MIPEP: variants seen among roughly 807,000 people sequenced by gnomAD.
The protein encoded by MIPEP is mitochondrial intermediate peptidase.
MIPEP carries 79 observed loss-of-function variants against 90.3 expected under a neutral mutation model. The ratio of observed to expected loss-of-function variants is 0.87; its 90% CI spans 0.73 to 1.05. The LOEUF (loss-of-function observed/expected upper bound fraction) is 1.05. MIPEP is among the 50% of genes least tolerant of loss of function. The pLI is 0.00. For missense variants in MIPEP, 940 were observed against 905.6 expected (o/e 1.04, Z -0.49); for synonymous variants, 334 against 315.8 (o/e 1.06, Z -0.61).
chr13:23,738,489 A>T (rs1254002570), intron 18 of MIPEP, among the ~76,000 whole-genome samples: 2 of 149,188 alleles, frequency 1.3e-5, no homozygotes, highest in African/African-American at 5.0e-5. Flanking sequence ...TCACTCTGTC[A>T]CTCAGGCTGG....
At chr13:23,813,066 G>A (rs1045860469) in intron 14 of MIPEP, among the ~76,000 whole-genome samples, 1 of 151,842 alleles carries the variant, frequency 6.6e-6, no homozygotes, top group Non-Finnish European at 1.5e-5. Context: ...TTGAAATGAA[G>A]TTATATGCTT....
intron 2 of MIPEP, among the ~76,000 whole-genome samples, chr13:23,882,067 CTTT>C (rs1871292654): frequency 6.9e-6 from 1 of 145,892 alleles, no homozygotes; most frequent in Non-Finnish European, 1.5e-5. Context: ...CAAATTCTTT[CTTT>C]CTTTTTTTTT....
chr13:23,848,562 T>C (rs1869656005), intron 10 of MIPEP, among the ~76,000 whole-genome samples: 1 of 152,072 alleles, frequency 6.6e-6, no homozygotes, highest in Admixed American at 6.5e-5. Flanking sequence ...GATGAGGCTG[T>C]GGTCAGTTAC....
chr13:23,843,693 G>A (rs1192912603), intron 10 of MIPEP, among the ~76,000 whole-genome samples: 6 of 152,186 alleles, frequency 3.9e-5, no homozygotes, highest in Non-Finnish European at 8.8e-5. Flanking sequence ...AGGGTGGAAT[G>A]CAGGAGGCAG....
At chr13:23,823,187 C>T (rs1430104693) in intron 14 of MIPEP, among the ~76,000 whole-genome samples, 1 of 152,056 alleles carries the variant, frequency 6.6e-6, no homozygotes, top group Non-Finnish European at 1.5e-5. Flanking sequence ...TAAGGAGGAG[C>T]ACTGTGTGAA....
At chr13:23,863,021 A>C (rs1870379093) in intron 8 of MIPEP, among the ~76,000 whole-genome samples, 1 of 152,246 alleles carries the variant, frequency 6.6e-6, no homozygotes, top group Non-Finnish European at 1.5e-5. Flanking sequence ...GATCATTAAA[A>C]GAAAATTTTA....
intron 15 of MIPEP, 54 bp downstream of exon 15, chr13:23,809,796 T>C: frequency 9.5e-7 from 1 of 1,053,220 alleles, no homozygotes; most frequent in Non-Finnish European, 1.4e-6. Flanking sequence ...TAAAGTTATA[T>C]ATTTATTTGG....
chr13:23,792,194 C>T (rs1403604092), intron 16 of MIPEP, among the ~76,000 whole-genome samples: 1 of 152,164 alleles, frequency 6.6e-6, no homozygotes, highest in Non-Finnish European at 1.5e-5. Flanking sequence ...TTGATCTCAC[C>T]CAGTTCCTTG....
chr13:23,789,833 C>A (rs1952882639), intron 16 of MIPEP, among the ~76,000 whole-genome samples: 1 of 152,132 alleles, frequency 6.6e-6, no homozygotes, highest in Non-Finnish European at 1.5e-5. Context: ...CCACTGCGAT[C>A]AGTCTTGAGA....
At chr13:23,787,388 G>A (rs533770789) in intron 16 of MIPEP, among the ~76,000 whole-genome samples, 1 of 136,374 alleles carries the variant, frequency 7.3e-6, no homozygotes, top group Non-Finnish European at 1.6e-5. Context: ...GAGAGCAAGA[G>A]CAAGAGACGG....
chr13:23,766,071 C>T (rs779352587), intron 16 of MIPEP: 7 of 152,128 alleles, frequency 4.6e-5, no homozygotes, highest in South Asian at 2.1e-4. Flanking sequence ...TTTTCTTCGC[C>T]GGATTCTTTT....
intron 14 of MIPEP, among the ~76,000 whole-genome samples, chr13:23,835,209 C>T (rs11617286): frequency 6.6e-6 from 1 of 151,454 alleles, no homozygotes; most frequent in African/African-American, 2.4e-5. Flanking sequence ...TTAGTAGACA[C>T]GGGGTTTCAC....
intron 14 of MIPEP, among the ~76,000 whole-genome samples, chr13:23,822,149 G>T (rs9510876): frequency 6.6e-6 from 1 of 151,968 alleles, no homozygotes; most frequent in East Asian, 1.9e-4. Flanking sequence ...TTTTAAAATA[G>T]GAAAATGGTA....
chr13:23,768,313 A>T (rs9510852), intron 16 of MIPEP, among the ~76,000 whole-genome samples: 1 of 152,102 alleles, frequency 6.6e-6, no homozygotes, highest in Admixed American at 6.5e-5. Context: ...TGTAACTTTT[A>T]ACTTTGTTTC....
At chr13:23,777,745 C>T (rs754146781) in intron 16 of MIPEP, among the ~76,000 whole-genome samples, 6 of 152,212 alleles carry the variant, frequency 3.9e-5, no homozygotes, top group Non-Finnish European at 8.8e-5. Context: ...GAGCTTAGAG[C>T]TGAATTACCT....
intron 18 of MIPEP, chr13:23,747,565 G>A (rs771078052): frequency 2.0e-6 from 1 of 512,328 alleles, no homozygotes; most frequent in African/African-American, 1.9e-5. Context: ...GAGAACAGCT[G>A]AGAGACTGAA....
chr13:23,739,745 A>G (rs568088545), intron 18 of MIPEP, among the ~76,000 whole-genome samples: 2 of 152,346 alleles, frequency 1.3e-5, no homozygotes, highest in East Asian at 3.9e-4. Flanking sequence ...GGCAGCAAGC[A>G]GAAACATGAC....
At chr13:23,777,479 G>A (rs1952731556) in intron 16 of MIPEP, among the ~76,000 whole-genome samples, 2 of 152,192 alleles carry the variant, frequency 1.3e-5, no homozygotes, top group Admixed American at 1.3e-4. Flanking sequence ...GGATGTGAAA[G>A]TAATTCAGAT....
At chr13:23,730,471 T>A in intron 18 of MIPEP, 26 bp from the exon 19 acceptor site, 1 of 1,506,830 alleles carries the variant, frequency 6.6e-7, no homozygotes, top group Non-Finnish European at 9.2e-7. Flanking sequence ...AGGTCAGAAC[T>A]GCGTTCACCA....
Sources: allele counts gnomAD v4.1 joint callset (sites outside exome capture counted in the v4.1 genomes callset), GRCh38; gene constraint gnomAD v4.1.1; transcripts MANE v1.5; gene names NCBI Gene and HGNC (gene_info 2026-07-23, HGNC 2026-07-21).